Variants in GALNT13 observed in about 807,000 individuals in gnomAD.
The protein encoded by GALNT13 is UDP-GalNAc:polypeptide N-acetylgalactosaminyltransferase 13.
GALNT13 carries 28 observed loss-of-function variants against 64.2 expected under a neutral mutation model. That is an observed-to-expected ratio of 0.44 (90% confidence interval 0.32 to 0.60). GALNT13 has a LOEUF of 0.60. GALNT13 is among the 20% of genes least tolerant of loss of function. The probability of loss-of-function intolerance (pLI) is 0.05; values close to 1 mark genes in which losing one functional copy is unlikely to be tolerated. For missense variants in GALNT13, 577 were observed against 669.8 expected (o/e 0.86, Z 1.53); for synonymous variants, 214 against 224.6 (o/e 0.95, Z 0.42).
chr2:154,002,332 T>C (rs367719732), intron 3 of GALNT13, among the ~76,000 whole-genome samples: 29 of 152,118 alleles, frequency 1.9e-4, no homozygotes, highest in African/African-American at 6.5e-4. Flanking sequence ...ATAATGCTTG[T>C]AGGCCTTTTT....
chr2:153,110,394 A>G, the GALNT13 span, among the ~76,000 whole-genome samples: 5 of 152,306 alleles, frequency 3.3e-5, no homozygotes, highest in South Asian at 8.3e-4. Flanking sequence ...GCTACCATCC[A>G]AATGTAAATT....
chr2:154,269,906 G>GTA lies in GALNT13; in HGVS notation c.975+10786_975+10787dup, dbSNP rs67387315. Among the ~76,000 whole-genome samples, 464 of 96,778 alleles carry GTA rather than the reference G, an allele frequency of 4.8e-3. 27 individuals carry two copies. Among genetic ancestry groups the GTA allele is most frequent in the African/African-American group, 0.012 (326 of 27,644 alleles). The allele number at this position is 96,778 out of a possible 152,430, so 63.5% of individuals were successfully genotyped here. On this transcript the variant is annotated intron_variant, in intron 8 of 12. Coordinates refer to ENST00000392825, the MANE Select transcript of GALNT13 (RefSeq NM_052917.4). ...GTCATATATATATTTATATATATGTGTATATATATATATATATATTTCTAA... is the reference window on the plus strand; with the variant it reads ...GTCATATATATATTTATATATATGTGTATATATATATATATATATATTTCTAA...
rs796666812 is a variant in GALNT13 at position 153,919,177 on chromosome 2, A to G, written c.-105+18170A>G. On this transcript the variant is annotated intron_variant, in intron 2 of 12. Transcript: ENST00000392825. ...TTATCTTTCTTAAAATACATATTCT[A>G]CAAGATTCTTTATGGCACCCTCATT... Among the ~76,000 whole-genome samples, 15 of 152,174 alleles carry G rather than the reference A, an allele frequency of 9.9e-5. 1 individual carries two copies. The highest frequency in any genetic ancestry group is 3.4e-4 in the African/African-American group (14 of 41,566).
At chr2:154,433,750 CAA>C (rs5835516) in intron 11 of GALNT13, among the ~76,000 whole-genome samples, 1 of 144,506 alleles carries the variant, frequency 6.9e-6, no homozygotes. Context: ...ACAGGTTAGC[CAA>C]AAAAAAAAAA....
intron 3 of GALNT13, among the ~76,000 whole-genome samples, chr2:154,018,863 C>G (rs2105269914): frequency 6.8e-6 from 1 of 147,218 alleles, no homozygotes; most frequent in East Asian, 2.0e-4. Flanking sequence ...GGAGGAGAGA[C>G]AAGAAGAGGG....
At position 154,273,292 on chromosome 2, in the gene GALNT13, T is replaced by C. The variant is rs563173571; in HGVS notation, c.975+14154T>C. 8.5e-5 allele frequency among the ~76,000 whole-genome samples: 13 copies of C among 152,274 alleles called. No individual in the cohort carries two copies. The South Asian group carries it at 2.7e-3, about 32-fold the overall frequency. On this transcript the variant is annotated intron_variant, in intron 8 of 12. Coordinates refer to ENST00000392825, the MANE Select transcript of GALNT13 (RefSeq NM_052917.4). Reference sequence around the variant, plus strand: ...CTGATACCAGATGACAGGAAGCATCTATCTATGCAAGGATTTGCAGGGGGG... The same window carrying C: ...CTGATACCAGATGACAGGAAGCATCCATCTATGCAAGGATTTGCAGGGGGG...
chr2:154,402,388 A>G (rs1339238759), intron 10 of GALNT13, among the ~76,000 whole-genome samples: 1 of 152,228 alleles, frequency 6.6e-6, no homozygotes, highest in African/African-American at 2.4e-5. Context: ...ATGCACAGAA[A>G]CATTTAGAAA....
rs528320557 is a variant in GALNT13 at position 154,069,580 on chromosome 2, A to T, written c.143-70757A>T. Among the ~76,000 whole-genome samples, 31 of 152,104 alleles carry T rather than the reference A, an allele frequency of 2.0e-4. 1 individual carries two copies. The highest frequency in any genetic ancestry group is 7.5e-4 in the African/African-American group (31 of 41,554). On this transcript the variant is annotated intron_variant, in intron 3 of 12. Transcript: ENST00000392825. ...TTTCTTTTCTTTTGGTGGACATTAA[A>T]TAATTTTAATATTTATATGAAATTC...
the GALNT13 span, among the ~76,000 whole-genome samples, chr2:153,397,260 G>A: frequency 2.6e-5 from 4 of 152,102 alleles, no homozygotes; most frequent in Non-Finnish European, 5.9e-5. Flanking sequence ...TGTCTCCAGG[G>A]TGTATGTTCA....
At chr2:153,126,416 A>G in the GALNT13 span, among the ~76,000 whole-genome samples, 17 of 150,542 alleles carry the variant, frequency 1.1e-4, no homozygotes, top group Non-Finnish European at 2.4e-4. Flanking sequence ...CGAATAAACA[A>G]TGCTCTACTT....
chr2:154,279,052 T>C (rs183401853), intron 8 of GALNT13, among the ~76,000 whole-genome samples: 4 of 152,262 alleles, frequency 2.6e-5, no homozygotes, highest in South Asian at 4.1e-4. Flanking sequence ...ATGAGATAAA[T>C]ACCTACAGGT....
chr2:153,689,877 G>A, the GALNT13 span, among the ~76,000 whole-genome samples: 1 of 149,934 alleles, frequency 6.7e-6, no homozygotes, highest in Non-Finnish European at 1.5e-5. Context: ...TTTTCTAAAA[G>A]GGACATTCAT....
At chr2:153,198,459 C>T in the GALNT13 span, among the ~76,000 whole-genome samples, 1 of 152,202 alleles carries the variant, frequency 6.6e-6, no homozygotes, top group South Asian at 2.1e-4. Context: ...CCTCTCATTC[C>T]TTCAGTGCTT....
the GALNT13 span, among the ~76,000 whole-genome samples, chr2:153,780,486 C>T: frequency 6.6e-6 from 1 of 151,814 alleles, no homozygotes; most frequent in Non-Finnish European, 1.5e-5. Flanking sequence ...TCTGTATTTC[C>T]AAGTTTAATC....
chr2:154,297,727 G>T (rs913293115), intron 8 of GALNT13, among the ~76,000 whole-genome samples: 1 of 152,056 alleles, frequency 6.6e-6, no homozygotes, highest in African/African-American at 2.4e-5. Context: ...GCACTACTAG[G>T]ATTTAATAAT....
chr2:153,857,252 T>C, the GALNT13 span, among the ~76,000 whole-genome samples: 1 of 152,140 alleles, frequency 6.6e-6, no homozygotes, highest in Non-Finnish European at 1.5e-5. Context: ...TTCAATGCAG[T>C]GTGTTTTTCT....
the GALNT13 span, chr2:153,187,705 C>A: frequency 6.6e-6 from 1 of 152,132 alleles, no homozygotes; most frequent in Admixed American, 6.6e-5. Context: ...ATAGACTATG[C>A]AATCACTAAC....
At chr2:154,338,766 C>A (rs1375829848) in intron 9 of GALNT13, among the ~76,000 whole-genome samples, 1 of 151,964 alleles carries the variant, frequency 6.6e-6, no homozygotes, top group Non-Finnish European at 1.5e-5. Flanking sequence ...TGGATAATGG[C>A]CTGGAATTTG....
chr2:154,241,781 G>T (rs1478456859), intron 4 of GALNT13, among the ~76,000 whole-genome samples: 1 of 152,078 alleles, frequency 6.6e-6, no homozygotes, highest in Non-Finnish European at 1.5e-5. Flanking sequence ...TAGACTTGTA[G>T]AAATCATGCT....
Sources: allele counts gnomAD v4.1 joint callset (sites outside exome capture counted in the v4.1 genomes callset), GRCh38; gene constraint gnomAD v4.1.1; transcripts MANE v1.5; gene names NCBI Gene and HGNC (gene_info 2026-07-23, HGNC 2026-07-21).